ANK2: variants seen among roughly 807,000 people sequenced by gnomAD.
ANK2 encodes the protein ankyrin-2.
Under a neutral mutation model 360.5 loss-of-function variants are expected in ANK2, and 83 were observed. The observed-to-expected ratio is 0.23, with a 90% CI of 0.19 to 0.28. The LOEUF is 0.28. ANK2 is among the 10% of genes least tolerant of loss of function. ANK2 has a pLI of 1.00. For missense variants in ANK2, 4,201 were observed against 4,795.7 expected (o/e 0.88, Z 3.66); for synonymous variants, 1,740 against 1,759.5 (o/e 0.99, Z 0.28).
rs530387481 is a variant in ANK2 at position 113,014,848 on chromosome 4, CTTTTTTTTTTTTTTT to C, written c.21+110348_21+110362del. ...GTCTGTATAGATGTGGATCATAGAG[CTTTTTTTTTTTTTTT>C]TTTTTTTTTTTTTGAGACGGAGTCT... On this transcript the variant is annotated intron_variant, in intron 2 of 30. Coordinates refer to the ANK2 transcript ENST00000503271. Among the ~76,000 whole-genome samples the C allele has an allele frequency of 9.4e-4, 66 of 70,332 alleles. 1 individual carries two copies. Among genetic ancestry groups the C allele is most frequent in the Non-Finnish European group, 1.5e-3 (60 of 41,340 alleles). The allele number at this position is 70,332 out of a possible 152,430, so 46.1% of individuals were successfully genotyped here.
chr4:113,297,576 G>A (rs908737762), intron 22 of ANK2, among the ~76,000 whole-genome samples: 3 of 151,868 alleles, frequency 2.0e-5, no homozygotes, highest in African/African-American at 7.3e-5. Context: ...TTAAAAATAG[G>A]AGCCATAAAA....
At chr4:112,980,629 A>G (rs2042868086) in intron 2 of ANK2, 1 of 152,256 alleles carries the variant, frequency 6.6e-6, no homozygotes. Context: ...ATTTAAACAT[A>G]TATGGACTGA....
intron 45 of ANK2, among the ~76,000 whole-genome samples, chr4:113,375,264 T>C (rs2096884016): frequency 6.6e-6 from 1 of 152,232 alleles, no homozygotes; most frequent in African/African-American, 2.4e-5. Flanking sequence ...TCTTGCTTTG[T>C]CAATTAATAA....
At chr4:113,069,786 C>T (rs986950477) in intron 1 of ANK2, 1 of 152,138 alleles carries the variant, frequency 6.6e-6, no homozygotes, top group South Asian at 2.1e-4. Context: ...AGTTTCTATT[C>T]AGTCCTCCTG....
intron 1 of ANK2, among the ~76,000 whole-genome samples, chr4:113,127,877 G>T (rs908052406): frequency 2.0e-5 from 3 of 152,014 alleles, no homozygotes; most frequent in Non-Finnish European, 4.4e-5. Context: ...CATACCAGAA[G>T]AGCAGCAGGG....
chr4:113,016,288 A>T (rs989895188), intron 2 of ANK2, among the ~76,000 whole-genome samples: 4 of 152,198 alleles, frequency 2.6e-5, no homozygotes, highest in Non-Finnish European at 5.9e-5. Flanking sequence ...TACCTCATCT[A>T]ATATGTGGCC....
chr4:112,849,379 CTT>C lies in ANK2; in HGVS notation c.-40+31119_-40+31120del, dbSNP rs552009381. 6.7e-3 allele frequency among the ~76,000 whole-genome samples: 1,015 copies of C among 152,144 alleles called. 10 individuals are homozygous for C. Among genetic ancestry groups the C allele is most frequent in the African/African-American group, 0.023 (949 of 41,500 alleles). ...CCAAAGTTTGAAATCTTGAAATTCT[CTT>C]TTTCTTTTCTTGTGTCCACTTCAAT... On this transcript the variant is annotated intron_variant, in intron 1 of 30. Coordinates refer to the ANK2 transcript ENST00000503271.
At chr4:112,993,427 G>T (rs1440467877) in intron 2 of ANK2, among the ~76,000 whole-genome samples, 3 of 151,128 alleles carry the variant, frequency 2.0e-5, no homozygotes, top group African/African-American at 7.3e-5. Flanking sequence ...TCAGCCTTCG[G>T]AGTAGCTGGG....
At chr4:113,231,731 G>A (rs965169449) in intron 4 of ANK2, among the ~76,000 whole-genome samples, 5 of 151,756 alleles carry the variant, frequency 3.3e-5, no homozygotes, top group Non-Finnish European at 7.4e-5. Flanking sequence ...AGCCTCCCGA[G>A]TAGCTGGGAT....
chr4:113,211,722 T>G (rs17529711), intron 4 of ANK2, among the ~76,000 whole-genome samples: 4,243 of 152,248 alleles, frequency 0.028, 100 homozygotes, highest in East Asian at 0.067. Context: ...AATTTGAAAT[T>G]CACAGGGTCA....
chr4:112,928,085 A>T (rs1421748554), intron 2 of ANK2, among the ~76,000 whole-genome samples: 1 of 152,226 alleles, frequency 6.6e-6, no homozygotes, highest in Non-Finnish European at 1.5e-5. Flanking sequence ...AAAAAGAAAC[A>T]TTTACCAAAG....
chr4:112,927,280 C>T (rs1290665327), intron 2 of ANK2, among the ~76,000 whole-genome samples: 1 of 152,202 alleles, frequency 6.6e-6, no homozygotes, highest in Non-Finnish European at 1.5e-5. Flanking sequence ...TAATTAGCTA[C>T]ATAAAATCCT....
At chr4:113,339,673 C>A (rs1172832724) in intron 32 of ANK2, among the ~76,000 whole-genome samples, 1 of 152,234 alleles carries the variant, frequency 6.6e-6, no homozygotes, top group Non-Finnish European at 1.5e-5. Context: ...ACTTTTCCAA[C>A]AGAATGATAA....
At chr4:112,918,061 T>C (rs1033333663) in intron 2 of ANK2, among the ~76,000 whole-genome samples, 1 of 152,222 alleles carries the variant, frequency 6.6e-6, no homozygotes, top group African/African-American at 2.4e-5. Context: ...TCAACATCTT[T>C]CTTCTCTGAC....
chr4:113,164,292 A>T (rs407709), intron 1 of ANK2, among the ~76,000 whole-genome samples: 105,602 of 152,118 alleles, frequency 0.69, 37,393 homozygotes, highest in African/African-American at 0.83. Context: ...ATGAAAAACC[A>T]GTGTTTCCAC....
the ANK2 span, among the ~76,000 whole-genome samples, chr4:112,751,488 C>T: frequency 6.6e-6 from 1 of 152,104 alleles, no homozygotes; most frequent in South Asian, 2.1e-4. Context: ...CTTTTCATAA[C>T]AGACTTCACT....
rs77790059 is a variant in ANK2 at position 113,058,899 on chromosome 4, A to C, written c.84+9087A>C. 2.4e-3 allele frequency among the ~76,000 whole-genome samples: 364 copies of C among 152,302 alleles called. 2 individuals carry two copies. Among genetic ancestry groups the C allele is most frequent in the African/African-American group, 8.0e-3 (332 of 41,586 alleles). ...CAAAGTACCTTAGAGTGAGTAGTTT[A>C]AAAACAACAGAAATTTATTTCTCAC... On this transcript the variant is annotated intron_variant, in intron 1 of 45. Transcript: ENST00000357077.
At position 113,335,859 on chromosome 4, in the gene ANK2, A is replaced by G. The variant is rs1402936564; in HGVS notation, c.3393A>G (p.Pro1131=). 1 of 1,614,180 alleles carries G rather than the reference A, an allele frequency of 6.2e-7. No individual in the cohort carries two copies. The highest frequency in any genetic ancestry group is 1.7e-5 in the Admixed American group (1 of 60,026). The change falls in exon 30 of 46, where the codon CCA becomes CCG. Residue 1131 remains proline, a synonymous_variant. Coordinates refer to ENST00000357077, the MANE Select transcript of ANK2 (RefSeq NM_001148.6). ...TTCTTGTCTTAGTACTGGATAGCCC[A>G]GAAGACCTAGAAAAGAAACGAATCT... is the stretch of plus-strand genomic sequence containing the variant. ...LNGMDEVLDS[P]EDLEKKRICR... is the part of the protein sequence containing the mutation.
At chr4:113,273,923 A>T (rs1453065350) in intron 14 of ANK2, among the ~76,000 whole-genome samples, 1 of 152,150 alleles carries the variant, frequency 6.6e-6, no homozygotes, top group Non-Finnish European at 1.5e-5. Flanking sequence ...ATCTTTTAAA[A>T]CCAGATTACA....
Sources: allele counts gnomAD v4.1 joint callset (sites outside exome capture counted in the v4.1 genomes callset), GRCh38; gene constraint gnomAD v4.1.1; transcripts MANE v1.5; gene names NCBI Gene and HGNC (gene_info 2026-07-23, HGNC 2026-07-21).